PTPRK: variants seen among roughly 807,000 people sequenced by gnomAD.
PTPRK encodes the protein receptor-type tyrosine-protein phosphatase kappa.
A neutral mutation model predicts 178.0 loss-of-function variants in PTPRK; 75 were observed. That is an observed-to-expected ratio of 0.42 (90% CI 0.35 to 0.51). PTPRK has a LOEUF of 0.51. Among genes scored for constraint, PTPRK ranks in the 20% least tolerant of loss-of-function variants. PTPRK has a pLI of 0.02. For synonymous variants in PTPRK, 637 were observed against 620.6 expected (o/e 1.03, Z -0.39); for missense variants, 1,441 against 1,797.8 (o/e 0.80, Z 3.59).
At chr6:128,440,838 T>C (rs184385678) in intron 1 of PTPRK, among the ~76,000 whole-genome samples, 1 of 152,236 alleles carries the variant, frequency 6.6e-6, no homozygotes, top group African/African-American at 2.4e-5. Context: ...TCCATGCTGA[T>C]GGACGTTTAG....
intron 13 of PTPRK, among the ~76,000 whole-genome samples, chr6:128,060,390 A>C (rs188444595): frequency 6.6e-6 from 1 of 152,302 alleles, no homozygotes; most frequent in Admixed American, 6.5e-5. Flanking sequence ...TCCATCCTTA[A>C]GACACTTGAT....
Position 128,242,586 on chromosome 6 carries a change from T to C in PTPRK, c.512A>G (p.Glu171Gly). The part of the protein sequence containing the change: ...PNEYQVIFEA[E>G]VSGGRSGYIA... ...ATAACCACTTCTCCCTCCTGAGACT[T>C]CAGCTTCAAATATTACCTGTCAAAA... The change falls in exon 4 of 30, where the codon GAA becomes GGA. Residue 171 changes from glutamate (E) to glycine (G), a missense_variant. Physicochemically the swap from Glu to Gly is moderately conservative, Grantham distance 98. Around this residue, in one of 4 missense-constraint regions of PTPRK, gnomAD observed 945 missense variants for 1,080.6 expected, o/e 0.87. Coordinates refer to ENST00000368226, the MANE Select transcript of PTPRK (RefSeq NM_002844.4). 6.2e-7 allele frequency: 1 copy of C among 1,612,664 alleles called. No homozygotes were observed. Among genetic ancestry groups the C allele is most frequent in the Non-Finnish European group, 8.5e-7 (1 of 1,179,484 alleles).
intron 13 of PTPRK, among the ~76,000 whole-genome samples, chr6:128,015,572 T>C (rs971924069): frequency 1.3e-5 from 2 of 151,716 alleles, no homozygotes; most frequent in African/African-American, 4.8e-5. Flanking sequence ...AAAAGGTAAA[T>C]GCGAAGAAAT....
At chr6:128,022,226 C>T (rs1013883493) in intron 13 of PTPRK, among the ~76,000 whole-genome samples, 2 of 152,152 alleles carry the variant, frequency 1.3e-5, no homozygotes, top group African/African-American at 4.8e-5. Flanking sequence ...GTTAGTGGCA[C>T]AGTTGGATCT....
chr6:128,276,977 G>A (rs1820813119), intron 3 of PTPRK, among the ~76,000 whole-genome samples: 1 of 151,836 alleles, frequency 6.6e-6, no homozygotes, highest in African/African-American at 2.4e-5. Flanking sequence ...TGTCCCAAAG[G>A]GCCTCCCCAC....
intron 25 of PTPRK, among the ~76,000 whole-genome samples, chr6:127,977,695 C>A (rs1054399444): frequency 6.6e-6 from 1 of 152,184 alleles, no homozygotes; most frequent in African/African-American, 2.4e-5. Flanking sequence ...CAGTCTCAAC[C>A]ATTTAAGATC....
At chr6:127,992,820 A>G (rs1583548136) in intron 18 of PTPRK, 111 bp from the exon 19 acceptor site, 2 of 883,152 alleles carry the variant, frequency 2.3e-6, no homozygotes. Flanking sequence ...TATAATAAAA[A>G]GTCCAGAAAT....
chr6:128,179,117 C>T (rs893827374), intron 7 of PTPRK, among the ~76,000 whole-genome samples: 4 of 151,864 alleles, frequency 2.6e-5, no homozygotes, highest in African/African-American at 7.3e-5. Context: ...TTAATGTTTA[C>T]GAGGAGGTAA....
At chr6:128,368,510 C>G (rs1026350693) in intron 2 of PTPRK, among the ~76,000 whole-genome samples, 2 of 152,218 alleles carry the variant, frequency 1.3e-5, no homozygotes, top group African/African-American at 4.8e-5. Context: ...TAATTTTCCC[C>G]CAATGAAACT....
intron 1 of PTPRK, among the ~76,000 whole-genome samples, chr6:128,516,208 T>A (rs921248851): frequency 6.6e-6 from 1 of 151,852 alleles, no homozygotes; most frequent in Non-Finnish European, 1.5e-5. Context: ...GGGGGCAGAG[T>A]GGCAGAGGGG....
chr6:128,492,409 A>G (rs993908822), intron 1 of PTPRK, among the ~76,000 whole-genome samples: 1 of 152,180 alleles, frequency 6.6e-6, no homozygotes, highest in Non-Finnish European at 1.5e-5. Context: ...GCAACTGCCT[A>G]CTCAAAATTT....
intron 6 of PTPRK, among the ~76,000 whole-genome samples, chr6:128,186,842 A>C (rs917067733): frequency 6.6e-6 from 1 of 152,134 alleles, no homozygotes; most frequent in Admixed American, 6.6e-5. Flanking sequence ...ATAATAGAAA[A>C]AATGTAAATG....
At chr6:128,420,951 T>C (rs954324478) in intron 1 of PTPRK, among the ~76,000 whole-genome samples, 4 of 152,226 alleles carry the variant, frequency 2.6e-5, no homozygotes, top group Non-Finnish European at 5.9e-5. Context: ...AGACCTTCTG[T>C]GCCCAGGTAA....
intron 3 of PTPRK, among the ~76,000 whole-genome samples, chr6:128,278,243 G>A (rs1414892188): frequency 6.6e-6 from 1 of 151,804 alleles, no homozygotes; most frequent in South Asian, 2.1e-4. Flanking sequence ...TGCAACCTCC[G>A]CTTCCTGGGT....
chr6:128,331,585 C>A (rs1035244131), intron 2 of PTPRK, among the ~76,000 whole-genome samples: 1 of 152,096 alleles, frequency 6.6e-6, no homozygotes, highest in African/African-American at 2.4e-5. Context: ...TCAGTGCCAT[C>A]ACTTTTTGTA....
chr6:128,176,572 T>C (rs1257299212), intron 7 of PTPRK, among the ~76,000 whole-genome samples: 1 of 151,870 alleles, frequency 6.6e-6, no homozygotes, highest in Non-Finnish European at 1.5e-5. Flanking sequence ...CATTTTTTAC[T>C]GAGTTCACAA....
intron 1 of PTPRK, among the ~76,000 whole-genome samples, chr6:128,479,446 CTG>C (rs1851777093): frequency 1.3e-5 from 2 of 152,142 alleles, no homozygotes; most frequent in African/African-American, 2.4e-5. Context: ...CCAAATTTCA[CTG>C]TAACAAAATC....
At chr6:128,052,285 T>C (rs1779144338) in intron 13 of PTPRK, among the ~76,000 whole-genome samples, 1 of 152,182 alleles carries the variant, frequency 6.6e-6, no homozygotes, top group African/African-American at 2.4e-5. Flanking sequence ...TTCCTATAGA[T>C]CACAAAATGA....
At chr6:128,132,099 A>C (rs185335311) in intron 7 of PTPRK, among the ~76,000 whole-genome samples, 3 of 152,346 alleles carry the variant, frequency 2.0e-5, no homozygotes, top group East Asian at 3.9e-4. Context: ...AAATGAAATA[A>C]AATGAAATAA....
Sources: allele counts gnomAD v4.1 joint callset (sites outside exome capture counted in the v4.1 genomes callset), GRCh38; gene constraint gnomAD v4.1.1; regional missense constraint gnomAD v4.1.1; transcripts MANE v1.5; gene names NCBI Gene and HGNC (gene_info 2026-07-23, HGNC 2026-07-21).